Variants in CDC123 observed in about 807,000 individuals in gnomAD.
CDC123 encodes cell division cycle 123.
In CDC123, 37 loss-of-function variants were observed where a neutral mutation model predicts 54.4. That is an observed-to-expected ratio of 0.68 (90% confidence interval 0.52 to 0.89). The LOEUF (loss-of-function observed/expected upper bound fraction) is 0.89, where lower values mean the gene tolerates loss of function less well. Among genes scored for constraint, CDC123 ranks in the 40% least tolerant of loss-of-function variants. CDC123 has a pLI of 0.00. For missense variants in CDC123, 361 were observed against 412.1 expected, an observed-to-expected ratio of 0.88 and a Z score of 1.07; for synonymous variants, 144 against 136.8, an observed-to-expected ratio of 1.05 and a Z score of -0.37.
intron 4 of CDC123, among the ~76,000 whole-genome samples, chr10:12,211,225 T>G (rs1835595535): frequency 8.0e-6 from 1 of 124,962 alleles, no homozygotes; most frequent in Non-Finnish European, 1.7e-5. Flanking sequence ...AATAGGTGAA[T>G]GAAACTCCTC....
intron 2 of CDC123, among the ~76,000 whole-genome samples, chr10:12,206,497 A>G (rs116642841): frequency 1.3e-3 from 195 of 152,374 alleles, no homozygotes; most frequent in African/African-American, 4.6e-3. Context: ...TGGAAAAGCA[A>G]GAATTACAAA....
At position 12,231,173 on chromosome 10, in the gene CDC123, G is replaced by T. The variant is rs902109061; in HGVS notation, c.489+177G>T. Among the ~76,000 whole-genome samples the T allele has an allele frequency of 2.0e-5, 3 of 152,250 alleles. No individual in the cohort carries two copies. The East Asian group carries it at 5.8e-4, about 29-fold the overall frequency. On this transcript the variant is annotated intron_variant, in intron 7 of 12. Transcript: ENST00000281141. The stretch of plus-strand genomic sequence containing the variant: ...TAAAAGGATATATATTATATATAGA[G>T]TGTATATACCAAATACATGTATGCA...
At chr10:12,226,067 C>T (rs866321258) in intron 6 of CDC123, among the ~76,000 whole-genome samples, 21 of 152,132 alleles carry the variant, frequency 1.4e-4, no homozygotes, top group African/African-American at 4.3e-4. Context: ...TCAGAGAGCA[C>T]GGGGTTGGGG....
At chr10:12,221,583 A>T (rs528444202) in intron 6 of CDC123, among the ~76,000 whole-genome samples, 1 of 152,288 alleles carries the variant, frequency 6.6e-6, no homozygotes, top group African/African-American at 2.4e-5. Flanking sequence ...ATTCGTTTAG[A>T]TCAAGCTTGT....
At chr10:12,200,527 G>T (rs188519326) in intron 2 of CDC123, among the ~76,000 whole-genome samples, 5 of 152,268 alleles carry the variant, frequency 3.3e-5, no homozygotes, top group Admixed American at 2.0e-4. Flanking sequence ...TTTAATATTA[G>T]AAAATAATTG....
intron 6 of CDC123, among the ~76,000 whole-genome samples, chr10:12,223,058 A>AT (rs1365819095): frequency 2.7e-5 from 4 of 148,326 alleles, no homozygotes; most frequent in Admixed American, 1.3e-4. Flanking sequence ...TGCCTGGCTA[A>AT]TTTTTTTTTG....
At chr10:12,217,261 ACCCTTGAAGTGATATG>A in intron 5 of CDC123, 84 bp from the exon 6 acceptor site, 1 of 1,134,530 alleles carries the variant, frequency 8.8e-7, no homozygotes, top group African/African-American at 1.6e-5. Flanking sequence ...TCTTCCTTAA[ACCCTTGAAGTGATATG>A]CATTATTGAT....
At chr10:12,211,131 A>G (rs1380821109) in intron 4 of CDC123, among the ~76,000 whole-genome samples, 3 of 152,202 alleles carry the variant, frequency 2.0e-5, no homozygotes, top group Non-Finnish European at 2.9e-5. Flanking sequence ...TCAGGATAAG[A>G]GTGCTGTTGT....
Position 12,249,694 on chromosome 10 carries a change from C to A in CDC123, c.960C>A (p.His320Gln). Residue 320 changes from histidine (H) to glutamine (Q), a missense_variant, in exon 12 of 13, where the codon CAC becomes CAA. By Grantham distance (24) the His-to-Gln change is conservative. Coordinates refer to ENST00000281141, the MANE Select transcript of CDC123 (RefSeq NM_006023.3). ...ACCTCTCTACTGGGGAGGACGCTCA[C>A]AAGCTAATAGACTTCCTTAAGCTGG... ...FVDLSTGEDAHKLIDFLKLKR... is the reference protein window; with the variant it reads ...FVDLSTGEDAQKLIDFLKLKR... 6.2e-7 allele frequency: 1 copy of A among 1,613,506 alleles called. No individual in the cohort carries two copies. Among genetic ancestry groups the A allele is most frequent in the East Asian group, 2.2e-5 (1 of 44,880 alleles).
Position 12,238,501 on chromosome 10 carries a change from T to A in CDC123, c.717+16T>A, listed in dbSNP as rs1365957394. ...AGACAGTAGGGTAAGTAAAAACTCT[T>A]TCTGATATGCTTTAATATAAGAGCT... On this transcript the variant is annotated intron_variant, in intron 10 of 12. Coordinates refer to ENST00000281141, the MANE Select transcript of CDC123 (RefSeq NM_006023.3). 3.7e-6 allele frequency: 6 copies of A among 1,607,692 alleles called. No individual in the cohort carries two copies. The South Asian group carries it at 6.7e-5, about 18-fold the overall frequency.
chr10:12,227,245 GGAGAGA>G (rs1189236298), intron 6 of CDC123, among the ~76,000 whole-genome samples: 1 of 149,526 alleles, frequency 6.7e-6, no homozygotes, highest in Non-Finnish European at 1.5e-5. Flanking sequence ...GGGAGACCGT[GGAGAGA>G]GAGGGAGAGG....
intron 11 of CDC123, among the ~76,000 whole-genome samples, chr10:12,248,668 T>C (rs895430037): frequency 1.3e-5 from 2 of 151,634 alleles, no homozygotes; most frequent in Non-Finnish European, 2.9e-5. Flanking sequence ...TAGCCAGGCA[T>C]GGTGGTGCAT....
At chr10:12,228,877 G>C (rs1835862759) in intron 6 of CDC123, among the ~76,000 whole-genome samples, 1 of 151,898 alleles carries the variant, frequency 6.6e-6, no homozygotes, top group Admixed American at 6.6e-5. Flanking sequence ...GCCACGCCTG[G>C]CTAATTTTTG....
intron 2 of CDC123, among the ~76,000 whole-genome samples, chr10:12,203,972 A>G (rs1835479697): frequency 6.6e-6 from 1 of 151,958 alleles, no homozygotes; most frequent in South Asian, 2.1e-4. Flanking sequence ...ACACACCTGT[A>G]GTCCCAGCTG....
intron 4 of CDC123, among the ~76,000 whole-genome samples, chr10:12,210,551 C>T (rs115088873): frequency 5.5e-4 from 84 of 152,144 alleles, no homozygotes; most frequent in African/African-American, 2.0e-3. Flanking sequence ...ATTTCGAGTG[C>T]GTATTTGATG....
At chr10:12,206,754 C>T (rs55679703) in intron 2 of CDC123, among the ~76,000 whole-genome samples, 20 of 152,118 alleles carry the variant, frequency 1.3e-4, no homozygotes, top group East Asian at 9.7e-4. Flanking sequence ...GTCAGGAGAT[C>T]GAGACCATCC....
At chr10:12,217,060 T>G (rs1033345311) in intron 5 of CDC123, among the ~76,000 whole-genome samples, 8 of 152,198 alleles carry the variant, frequency 5.3e-5, no homozygotes, top group Admixed American at 3.3e-4. Context: ...AATGTCGATG[T>G]TTCTGATACC....
chr10:12,225,540 A>G (rs1270693863), intron 6 of CDC123, among the ~76,000 whole-genome samples: 1 of 152,212 alleles, frequency 6.6e-6, no homozygotes, highest in African/African-American at 2.4e-5. Flanking sequence ...AGAAGCTCTG[A>G]CACACCCTGA....
In CDC123 at chr10:12,213,115, T is replaced by C. The variant is rs1253126282; in HGVS notation, c.238-2625T>C. Among the ~76,000 whole-genome samples the C allele has an allele frequency of 3.3e-5, 5 of 152,224 alleles. No homozygotes were observed. In the East Asian group the frequency reaches 9.6e-4, roughly 29 times the overall value. On this transcript the variant is annotated intron_variant, in intron 4 of 12. Coordinates refer to ENST00000281141, the MANE Select transcript of CDC123 (RefSeq NM_006023.3). ...ACCATTGTAATAATATTTGATTGAA[T>C]AGATGCTAAAATTAGTGGGTGAATA...
Sources: allele counts gnomAD v4.1 joint callset (sites outside exome capture counted in the v4.1 genomes callset), GRCh38; gene constraint gnomAD v4.1.1; transcripts MANE v1.5; gene names NCBI Gene and HGNC (gene_info 2026-07-23, HGNC 2026-07-21).